ASXL2: variants seen among roughly 807,000 people sequenced by gnomAD.
The protein encoded by ASXL2 is ASXL transcriptional regulator 2.
A neutral mutation model predicts 122.0 loss-of-function variants in ASXL2; 23 were observed. The observed-to-expected ratio is 0.19, with a 90% CI of 0.14 to 0.27. The LOEUF (loss-of-function observed/expected upper bound fraction) is 0.27. Among genes scored for constraint, ASXL2 ranks in the 10% least tolerant of loss-of-function variants. The pLI is 1.00. For synonymous variants in ASXL2, 650 were observed against 637.0 expected, an observed-to-expected ratio of 1.02 and a Z score of -0.31; for missense variants, 1,518 against 1,713.8, an observed-to-expected ratio of 0.89 and a Z score of 2.02.
chr2:25,748,325 C>T (rs2087976753), intron 12 of ASXL2, among the ~76,000 whole-genome samples: 1 of 151,836 alleles, frequency 6.6e-6, no homozygotes, highest in Non-Finnish European at 1.5e-5. Context: ...ATGGTGAAAC[C>T]CCATCTCTAC....
intron 1 of ASXL2, chr2:25,857,069 CTG>C (rs1375971832): frequency 1.2e-5 from 1 of 84,654 alleles, no homozygotes; most frequent in Non-Finnish European, 2.2e-5. Flanking sequence ...GTGTTATTGG[CTG>C]TTAGATTTTT....
intron 2 of ASXL2, among the ~76,000 whole-genome samples, chr2:25,837,868 G>A (rs1226931631): frequency 2.0e-5 from 3 of 149,034 alleles, no homozygotes; most frequent in Admixed American, 6.8e-5. Context: ...TGTAAACCCA[G>A]CACTTTGGGA....
At chr2:25,822,898 C>G (rs1365159647) in intron 3 of ASXL2, 2 of 545,732 alleles carry the variant, frequency 3.7e-6, no homozygotes, top group African/African-American at 3.8e-5. Context: ...GTAGATGGAG[C>G]AGGTGATGAT....
At chr2:25,857,005 T>A in intron 1 of ASXL2, 1 of 278,588 alleles carries the variant, frequency 3.6e-6, no homozygotes, top group African/African-American at 2.2e-5. Context: ...AGCAAGTTTC[T>A]TCATCACATG....
At chr2:25,834,593 A>G (rs1476256912) in intron 3 of ASXL2, among the ~76,000 whole-genome samples, 2 of 152,190 alleles carry the variant, frequency 1.3e-5, no homozygotes, top group African/African-American at 4.8e-5. Flanking sequence ...TAACCCAAGC[A>G]TGCCATGTCC....
intron 3 of ASXL2, among the ~76,000 whole-genome samples, chr2:25,812,593 C>T (rs1187769220): frequency 2.6e-5 from 4 of 152,072 alleles, no homozygotes; most frequent in Non-Finnish European, 4.4e-5. Context: ...CTCAATTCTG[C>T]CTTAGGAAAG....
chr2:25,851,719 T>C lies in ASXL2; in HGVS notation c.58-6156A>G, dbSNP rs184433938. Among the ~76,000 whole-genome samples, 296 of 152,234 alleles carry C rather than the reference T, an allele frequency of 1.9e-3. 1 individual carries two copies. Among genetic ancestry groups the C allele is most frequent in the African/African-American group, 6.9e-3 (288 of 41,546 alleles). ...CAGCCTGGCCAACATGACCAAACCC[T>C]GGTTCTACTAAAGATACAAAAATTA... On this transcript the variant is annotated intron_variant, in intron 1 of 12. Transcript: ENST00000435504.
chr2:25,831,823 C>T (rs2089457545), intron 3 of ASXL2, among the ~76,000 whole-genome samples: 2 of 151,400 alleles, frequency 1.3e-5, no homozygotes, highest in South Asian at 4.2e-4. Flanking sequence ...AAAACTAAAT[C>T]CAAAGAAAAA....
intron 1 of ASXL2, among the ~76,000 whole-genome samples, chr2:25,846,060 AT>A (rs1375532541): frequency 6.6e-6 from 1 of 152,130 alleles, no homozygotes; most frequent in Non-Finnish European, 1.5e-5. Flanking sequence ...GAGTTTCCTG[AT>A]TTTGTTTCCC....
intron 3 of ASXL2, chr2:25,822,393 G>A (rs1438484605): frequency 8.8e-6 from 2 of 226,462 alleles, no homozygotes; most frequent in Non-Finnish European, 1.7e-5. Flanking sequence ...CGTCACCGGA[G>A]AGAAGTCGAC....
chr2:25,754,149 G>A (rs2088093106), intron 10 of ASXL2, among the ~76,000 whole-genome samples: 1 of 152,060 alleles, frequency 6.6e-6, no homozygotes, highest in Non-Finnish European at 1.5e-5. Flanking sequence ...TTATTCTGGA[G>A]TTGTCAGTTT....
At chr2:25,765,196 C>T (rs2088322717) in intron 8 of ASXL2, among the ~76,000 whole-genome samples, 1 of 152,078 alleles carries the variant, frequency 6.6e-6, no homozygotes, top group African/African-American at 2.4e-5. Context: ...TGAAAATAGT[C>T]ATTGTGTGGC....
intron 5 of ASXL2, among the ~76,000 whole-genome samples, chr2:25,775,485 C>T (rs151243554): frequency 1.6e-3 from 237 of 152,186 alleles, no homozygotes; most frequent in African/African-American, 5.5e-3. Flanking sequence ...TGTAATCACC[C>T]GCTTGTTGAA....
intron 1 of ASXL2, among the ~76,000 whole-genome samples, chr2:25,847,379 A>G (rs72801873): frequency 0.043 from 6,471 of 152,178 alleles, 213 homozygotes; most frequent in African/African-American, 0.08. Context: ...TTCTATGCCC[A>G]TCCCTCAAAT....
At chr2:25,829,599 G>A (rs1344446689) in intron 3 of ASXL2, among the ~76,000 whole-genome samples, 4 of 152,136 alleles carry the variant, frequency 2.6e-5, no homozygotes, top group Admixed American at 6.5e-5. Flanking sequence ...TCCTGATGTA[G>A]CCATTTATAT....
At chr2:25,863,285 G>A (rs1325123232) in intron 1 of ASXL2, among the ~76,000 whole-genome samples, 1 of 150,442 alleles carries the variant, frequency 6.6e-6, no homozygotes, top group Non-Finnish European at 1.5e-5. Flanking sequence ...AGCCAAGATC[G>A]CGCCACTGCA....
Position 25,742,943 on chromosome 2 carries a change from C to A in ASXL2, c.3394G>T (p.Gly1132Cys). 6.2e-7 allele frequency: 1 copy of A among 1,613,968 alleles called. No individual in the cohort carries two copies. The change falls in exon 13 of 13, where the codon GGC (glycine) becomes TGC (cysteine). Residue 1132 changes from glycine (G) to cysteine (C), a missense_variant. Gly to Cys is a radical substitution (Grantham distance 159). This residue lies in a region of ASXL2 where 831 missense variants were observed against 833.1 expected (regional missense o/e 1.00). Transcript: ENST00000435504. Reference protein sequence around the residue: ...GHYLLNISTYGRGSESFRRTH... With the variant: ...GHYLLNISTYCRGSESFRRTH... ...CTCCTAAAGCTCTCTGAGCCCCGGC[C>A]GTAGGTAGAAATATTCAGTAAGTAG...
Position 25,750,406 on chromosome 2 carries a change from G to C in ASXL2, c.1150C>G (p.Leu384Val), listed in dbSNP as rs781471182. 1 of 1,582,132 alleles carries C rather than the reference G, an allele frequency of 6.3e-7. No individual in the cohort carries two copies. Among genetic ancestry groups the C allele is most frequent in the Non-Finnish European group, 8.5e-7 (1 of 1,170,048 alleles). The change falls in exon 12 of 13, where the codon CTG becomes GTG. Residue 384 changes from leucine to valine, a missense_variant. Physicochemically the swap from Leu to Val is conservative, Grantham distance 32 (BLOSUM62 1). Transcript: ENST00000435504. ...AATTTCTTAGAATCTTCAAGGCTCAGGCCAGAACTAAAAAGGGGAAAAAAG... is the reference window on the plus strand; with the variant it reads ...AATTTCTTAGAATCTTCAAGGCTCACGCCAGAACTAAAAAGGGGAAAAAAG... Reference protein sequence around the residue: ...FESYYGQSSGLSLEDSKKLTA... With the variant: ...FESYYGQSSGVSLEDSKKLTA...
At chr2:25,842,663 A>C (rs1008251301) in intron 2 of ASXL2, among the ~76,000 whole-genome samples, 1 of 151,288 alleles carries the variant, frequency 6.6e-6, no homozygotes, top group Non-Finnish European at 1.5e-5. Context: ...CACAAAAGGT[A>C]CTTTTAAAAG....
Sources: gnomAD v4.1 joint callset for allele counts (sites outside exome capture counted in the v4.1 genomes callset) on GRCh38, gnomAD v4.1.1 for gene constraint, gnomAD v4.1.1 regional missense constraint, MANE v1.5 for transcripts, NCBI Gene and HGNC (gene_info 2026-07-23, HGNC 2026-07-21) for gene names.